KRT83: variants seen among roughly 807,000 people sequenced by gnomAD.
KRT83 encodes the protein keratin, type II cuticular Hb3.
KRT83 carries 51 observed loss-of-function variants against 52.9 expected under a neutral mutation model. That is an observed-to-expected ratio of 0.96 (90% CI 0.77 to 1.22). The LOEUF is 1.22. Among genes scored for constraint, KRT83 ranks in the 50% most tolerant of loss-of-function variants. The probability of loss-of-function intolerance (pLI) is 0.00; values close to 1 mark genes in which losing one functional copy is unlikely to be tolerated. For missense variants in KRT83, 654 were observed against 666.5 expected (o/e 0.98, Z 0.21); for synonymous variants, 278 against 274.1 (o/e 1.01, Z -0.14).
At chr12:52,318,001 C>T (rs1938713695) in intron 2 of KRT83, 31 bp from the exon 3 acceptor site, 4 of 1,594,650 alleles carry the variant, frequency 2.5e-6, no homozygotes, top group Middle Eastern at 1.7e-4. Flanking sequence ...AGGACCTTGT[C>T]TGAACAGCTC....
In KRT83 at chr12:52,317,740, C is replaced by A. The variant is rs780683896; in HGVS notation, c.691G>T (p.Glu231Ter). 2 of 1,613,544 alleles carry A rather than the reference C, an allele frequency of 1.2e-6. No homozygotes were observed. Among genetic ancestry groups the A allele is most frequent in the African/African-American group, 2.7e-5 (2 of 74,892 alleles). ...DCAYLRKSDLEANVEALIQEI... is the reference protein window; with the variant it reads ...DCAYLRKSDL ...TGGATCAGGGCCTCCACGTTGGCCTCCAGGTCTGACTTGCGGAGGTAGGCG... is the reference window on the plus strand; with the variant it reads ...TGGATCAGGGCCTCCACGTTGGCCTACAGGTCTGACTTGCGGAGGTAGGCG... Residue 231 changes from glutamate (E) to a stop codon, truncating the protein, a stop_gained, in exon 4 of 9, where the codon GAG becomes TAG. Coordinates refer to ENST00000293670, the MANE Select transcript of KRT83 (RefSeq NM_002282.3). LOFTEE classifies it high-confidence loss of function.
At chr12:52,319,762 C>A (rs1423077810) in intron 1 of KRT83, among the ~76,000 whole-genome samples, 5 of 152,240 alleles carry the variant, frequency 3.3e-5, no homozygotes, top group African/African-American at 1.2e-4. Flanking sequence ...TGTTCAATCA[C>A]ACCAAGCCAG....
In KRT83 at chr12:52,319,216, C is replaced by T; in HGVS notation, c.533G>A (p.Ser178Asn). The change falls in exon 2 of 9, where the codon AGT becomes AAT. Residue 178 changes from serine to asparagine, a missense_variant. Physicochemically the swap from Ser to Asn is conservative, Grantham distance 46. Coordinates refer to ENST00000293670, the MANE Select transcript of KRT83 (RefSeq NM_002282.3). ...RREAECVEAD[S>N]GRLASELNHV... ...GTTGAGCTCTGAGGCCAGCCTCCCA[C>T]TGTCAGCCTCCACGCACTCGGCCTC... 1 of 1,613,754 alleles carries T rather than the reference C, an allele frequency of 6.2e-7. No individual in the cohort carries two copies. Among genetic ancestry groups the T allele is most frequent in the Non-Finnish European group, 8.5e-7 (1 of 1,179,890 alleles).
intron 2 of KRT83, 136 bp from the exon 3 acceptor site, chr12:52,318,106 C>A (rs924040763): frequency 3.7e-6 from 3 of 804,726 alleles, no homozygotes; most frequent in Non-Finnish European, 6.5e-6. Flanking sequence ...TGGGGCTCTG[C>A]AGGAACCAGG....
intron 4 of KRT83, 39 bp downstream of exon 4, chr12:52,317,642 T>TG (rs754271207): frequency 1.3e-6 from 2 of 1,599,970 alleles, no homozygotes; most frequent in Admixed American, 1.7e-5. Context: ...AGGGATCCCA[T>TG]GGGGGGATCT....
chr12:52,320,828 C>T, intron 1 of KRT83, 124 bp downstream of exon 1: 1 of 1,587,622 alleles, frequency 6.3e-7, no homozygotes, highest in Non-Finnish European at 8.6e-7. Context: ...GTATGACTAC[C>T]TTTCCCTTTG....
At position 52,316,804 on chromosome 12, in the gene KRT83, AC is replaced by A. The variant is rs1378897111; in HGVS notation, c.915+54del. The A allele has an allele frequency of 3.7e-6, 6 of 1,613,314 alleles. No homozygotes were observed. The African/African-American group carries it at 8.0e-5, about 22-fold the overall frequency. Reference sequence around the variant, plus strand: ...GACAAAGAAGCCTTTTCTACTAGATACCTCACATCCCTCCCACTGCCATGTC... The same window carrying A: ...GACAAAGAAGCCTTTTCTACTAGATACTCACATCCCTCCCACTGCCATGTC... On this transcript the variant is annotated intron_variant, in intron 5 of 8. Transcript: ENST00000293670.
Position 52,319,144 on chromosome 12 carries a change from G to T in KRT83, c.593+12C>A. On this transcript the variant is annotated intron_variant, in intron 2 of 8. Transcript: ENST00000293670. ...ATTTCCTGTGCCCAGAACCCCTCCT[G>T]CCCACACTCACTTCTTCTTGTAGCC... 1.2e-6 allele frequency: 2 copies of T among 1,612,854 alleles called. No individual in the cohort carries two copies. Among genetic ancestry groups the T allele is most frequent in the South Asian group, 1.1e-5 (1 of 91,014 alleles).
intron 2 of KRT83, 126 bp downstream of exon 2, chr12:52,319,030 C>G: frequency 1.4e-6 from 2 of 1,423,522 alleles, no homozygotes; most frequent in Non-Finnish European, 2.0e-6. Flanking sequence ...GTGTCTCAAA[C>G]AGGGGGTACA....
Position 52,315,300 on chromosome 12 carries a change from C to T in KRT83, c.1294+12G>A. On this transcript the variant is annotated intron_variant, in intron 8 of 8. Transcript: ENST00000293670. Reference sequence around the variant, plus strand: ...AGTCTACATTTTCCTTTTCAGGGCTCAAGATACTTACAGACATTCACAGCT... The same window carrying T: ...AGTCTACATTTTCCTTTTCAGGGCTTAAGATACTTACAGACATTCACAGCT... 1.2e-6 allele frequency: 2 copies of T among 1,613,600 alleles called. No homozygotes were observed. The highest frequency in any genetic ancestry group is 1.7e-6 in the Non-Finnish European group (2 of 1,179,622).
rs1177270589 is a variant in KRT83, at chr12:52,317,899, G to T, written c.654+11C>A. 2 of 1,614,058 alleles carry T rather than the reference G, an allele frequency of 1.2e-6. No homozygotes were observed. Among genetic ancestry groups the T allele is most frequent in the East Asian group, 2.2e-5 (1 of 44,886 alleles). ...TCAGGGCGGGCTCAGGGCCAGCTGG[G>T]CTTCACTCACCTTCTTTAGAGCCAC... On this transcript the variant is annotated intron_variant, in intron 3 of 8. Coordinates refer to ENST00000293670, the MANE Select transcript of KRT83 (RefSeq NM_002282.3).
At chr12:52,315,187 C>T (rs1938667067) in intron 8 of KRT83, 125 bp downstream of exon 8, 2 of 1,047,826 alleles carry the variant, frequency 1.9e-6, no homozygotes, top group Non-Finnish European at 3.0e-6. Flanking sequence ...GCTGCATGAC[C>T]AACCTATCCT....
At position 52,321,307 on chromosome 12, in the gene KRT83, C is replaced by T. The variant is rs780196908; in HGVS notation, c.29G>A (p.Cys10Tyr). 1 of 1,613,708 alleles carries T rather than the reference C, an allele frequency of 6.2e-7. No homozygotes were observed. The highest frequency in any genetic ancestry group is 1.7e-5 in the Admixed American group (1 of 60,034). MTCGFNSIG[C>Y]GFRPGNFSCV... ...GCTGAAGTTTCCAGGGCGGAACCCA[C>T]AGCCTATGGAGTTGAAGCCACAGGT... The change falls in exon 1 of 9, where the codon TGT becomes TAT. Residue 10 changes from cysteine (C) to tyrosine (Y), a missense_variant. Coordinates refer to ENST00000293670, the MANE Select transcript of KRT83 (RefSeq NM_002282.3).
intron 5 of KRT83, 130 bp from the exon 6 acceptor site, chr12:52,316,723 C>A: frequency 6.3e-7 from 1 of 1,589,116 alleles, no homozygotes; most frequent in Non-Finnish European, 8.6e-7. Context: ...GCCCTGCCAC[C>A]CCAACATGAG....
chr12:52,315,460 C>T lies in KRT83; in HGVS notation c.1263-117G>A, dbSNP rs1040246509. On this transcript the variant is annotated intron_variant, in intron 7 of 8. Transcript: ENST00000293670. ...GGCTATTTCTGACCTACATTTATTC[C>T]CTTGTGCAGCTTAGAAAAAGTTGCC... 5 of 1,092,796 alleles carry T rather than the reference C, an allele frequency of 4.6e-6. No individual in the cohort carries two copies. The African/African-American group carries it at 4.6e-5, about 10-fold the overall frequency. 67.7% of individuals were successfully genotyped at this position (1,092,796 alleles called of 1,614,324 possible).
chr12:52,317,970 C>A lies in KRT83; in HGVS notation c.594G>T (p.Lys198Asn). ...VQEVLEGYKK[K>N]YEEEVALRAT... ...CTCGAAGTGCTACTTCTTCTTCATACCTGAGGTGAGCAGGGAGAACAGGAC... is the reference window on the plus strand; with the variant it reads ...CTCGAAGTGCTACTTCTTCTTCATAACTGAGGTGAGCAGGGAGAACAGGAC... Residue 198 changes from lysine to asparagine, a missense_variant and splice_region_variant, in exon 3 of 9, where the codon AAG (lysine) becomes AAT (asparagine). Coordinates refer to ENST00000293670, the MANE Select transcript of KRT83 (RefSeq NM_002282.3). 1 of 1,613,894 alleles carries A rather than the reference C, an allele frequency of 6.2e-7. No homozygotes were observed. Among genetic ancestry groups the A allele is most frequent in the South Asian group, 1.1e-5 (1 of 91,066 alleles).
chr12:52,316,203 T>C, intron 6 of KRT83, 90 bp from the exon 7 acceptor site: 1 of 1,519,916 alleles, frequency 6.6e-7, no homozygotes, highest in Non-Finnish European at 8.9e-7. Flanking sequence ...TCAACTTCTA[T>C]CTTAAAATAT....
chr12:52,316,390 A>G lies in KRT83; in HGVS notation c.1041+78T>C, dbSNP rs113400268. ...GAGACTGCACTGGGAAGACTTTTCC[A>G]GAATCTAACTCAAATCCCTCTGCCG... On this transcript the variant is annotated intron_variant, in intron 6 of 8. Coordinates refer to ENST00000293670, the MANE Select transcript of KRT83 (RefSeq NM_002282.3). 2,081 of 1,603,808 alleles carry G rather than the reference A, an allele frequency of 1.3e-3. 27 individuals carry two copies. In the African/African-American group the frequency reaches 0.024, roughly 19 times the overall value.
At chr12:52,316,623 C>T (rs763011771) in intron 5 of KRT83, 30 bp from the exon 6 acceptor site, 16 of 1,614,028 alleles carry the variant, frequency 9.9e-6, no homozygotes, top group Admixed American at 3.3e-5. Flanking sequence ...TCATGAGGCT[C>T]AGGATGAGAC....
Sources: allele counts gnomAD v4.1 joint callset (sites outside exome capture counted in the v4.1 genomes callset), GRCh38; gene constraint gnomAD v4.1.1; transcripts MANE v1.5; gene names NCBI Gene and HGNC (gene_info 2026-07-23, HGNC 2026-07-21).